Variants in ASXL3 observed in about 807,000 individuals in gnomAD.
ASXL3 encodes the protein ASXL transcriptional regulator 3.
In ASXL3, 34 loss-of-function variants were observed where a neutral mutation model predicts 170.6. The ratio of observed to expected loss-of-function variants is 0.20; its 90% confidence interval spans 0.15 to 0.27. ASXL3 has a LOEUF of 0.27. ASXL3 is among the 10% of genes least tolerant of loss of function. The probability of loss-of-function intolerance (pLI) is 1.00; values close to 1 mark genes in which losing one functional copy is unlikely to be tolerated. For missense variants in ASXL3, 2,592 were observed against 2,695.3 expected, an observed-to-expected ratio of 0.96 and a Z score of 0.85; for synonymous variants, 1,002 against 989.1, an observed-to-expected ratio of 1.01 and a Z score of -0.24.
At chr18:33,602,854 G>T (rs2065199094) in intron 1 of ASXL3, among the ~76,000 whole-genome samples, 1 of 150,550 alleles carries the variant, frequency 6.6e-6, no homozygotes, top group African/African-American at 2.4e-5. Flanking sequence ...AAAATATGTT[G>T]TATAAAAGTC....
chr18:33,649,805 T>C (rs1236579401), intron 4 of ASXL3, among the ~76,000 whole-genome samples: 1 of 152,118 alleles, frequency 6.6e-6, no homozygotes, highest in African/African-American at 2.4e-5. Context: ...TCTGGTGTTC[T>C]GAAGGAAATG....
At position 33,743,229 on chromosome 18, in the gene ASXL3, C is replaced by A; in HGVS notation, c.3381C>A (p.Thr1127=). The A allele has an allele frequency of 6.2e-7, 1 of 1,613,910 alleles. No homozygotes were observed. Among genetic ancestry groups the A allele is most frequent in the Non-Finnish European group, 8.5e-7 (1 of 1,179,840 alleles). The part of the protein sequence containing the change: ...RAHLFQTSKE[T]RLPPPLSSKE... ...ATCTCTTCCAGACCTCTAAAGAGAC[C>A]CGGTTGCCTCCTCCGCTCAGCTCAA... Residue 1127 remains threonine (T), a synonymous_variant, in exon 12 of 12, where the codon ACC becomes ACA. Transcript: ENST00000269197.
chr18:33,623,666 A>G (rs2065553418), intron 2 of ASXL3, among the ~76,000 whole-genome samples: 2 of 152,180 alleles, frequency 1.3e-5, no homozygotes, highest in South Asian at 4.1e-4. Flanking sequence ...TTACAGCAGT[A>G]TTTTGGCATA....
chr18:33,597,277 T>TATATAC (rs893792243), intron 1 of ASXL3, among the ~76,000 whole-genome samples: 1 of 152,114 alleles, frequency 6.6e-6, no homozygotes, highest in African/African-American at 2.4e-5. Context: ...TGTACATGTA[T>TATATAC]ATGTACACCA....
chr18:33,635,143 T>G lies in ASXL3; in HGVS notation c.138-9751T>G, dbSNP rs374711770. On this transcript the variant is annotated intron_variant, in intron 2 of 11. Transcript: ENST00000269197. Reference sequence around the variant, plus strand: ...TTTAGAAAGCTAATAGTCAAACTATTACTAATTGCCCTTAAAACCTTAACC... The same window carrying G: ...TTTAGAAAGCTAATAGTCAAACTATGACTAATTGCCCTTAAAACCTTAACC... 3.2e-4 allele frequency among the ~76,000 whole-genome samples: 48 copies of G among 152,268 alleles called. 1 individual carries two copies. In the South Asian group the frequency reaches 9.1e-3, roughly 29 times the overall value.
Position 33,661,747 on chromosome 18 carries a change from C to T in ASXL3, c.477+10C>T, listed in dbSNP as rs376325824. 91 of 1,609,980 alleles carry T rather than the reference C, an allele frequency of 5.7e-5. No individual in the cohort carries two copies. Among genetic ancestry groups the T allele is most frequent in the Admixed American group, 2.2e-4 (13 of 59,212 alleles). On this transcript the variant is annotated intron_variant, in intron 5 of 11. Transcript: ENST00000269197. ...AAAGGCTCTTAAACAGGTAAGATAG[C>T]TGCCATTTATTCTTTGTCCTTCAGT... is the stretch of plus-strand genomic sequence containing the variant.
chr18:33,717,481 C>T (rs975546471), intron 8 of ASXL3, among the ~76,000 whole-genome samples: 4 of 152,116 alleles, frequency 2.6e-5, no homozygotes, highest in Non-Finnish European at 5.9e-5. Context: ...AACAGCATTG[C>T]AAGTATGCTT....
chr18:33,578,628 A>G lies in ASXL3; in HGVS notation c.-4A>G, dbSNP rs370374928. ...ATCATCAGAACCATCAATGAGATGC[A>G]AACATGAAAGACAAGAGGAAGAAGA... On this transcript the variant is annotated 5_prime_UTR_variant, in exon 1 of 12. Transcript: ENST00000269197. The G allele has an allele frequency of 4.5e-6, 6 of 1,346,888 alleles. No individual in the cohort carries two copies. In the African/African-American group the frequency reaches 9.2e-5, roughly 21 times the overall value. 83.4% of individuals were successfully genotyped at this position (1,346,888 alleles called of 1,614,324 possible). A position where few individuals can be genotyped will look rare whatever the true frequency, so the allele number is the denominator to read the frequency against.
chr18:33,738,718 G>A lies in ASXL3; in HGVS notation c.1314G>A (p.Glu438=). ...IPPKDIMAEL[E]SEDILIPEES... is the part of the protein sequence containing the mutation. The stretch of plus-strand genomic sequence containing the variant: ...CTAAAGATATAATGGCAGAATTGGA[G>A]TCAGAGGATATCTTGATCCCTGAAG... The change falls in exon 11 of 12, where the codon GAG becomes GAA. Residue 438 remains glutamate (E), a synonymous_variant. Transcript: ENST00000269197. The A allele has an allele frequency of 1.2e-6, 2 of 1,614,000 alleles. No homozygotes were observed. Among genetic ancestry groups the A allele is most frequent in the Non-Finnish European group, 1.7e-6 (2 of 1,179,872 alleles).
intron 1 of ASXL3, among the ~76,000 whole-genome samples, chr18:33,598,783 G>C (rs550486781): frequency 2.6e-5 from 4 of 152,198 alleles, no homozygotes; most frequent in Admixed American, 1.3e-4. Flanking sequence ...GTATGACCAG[G>C]AGGTATTGTG....
intron 2 of ASXL3, among the ~76,000 whole-genome samples, chr18:33,633,606 G>T (rs2065716102): frequency 6.6e-6 from 1 of 152,110 alleles, no homozygotes; most frequent in Non-Finnish European, 1.5e-5. Context: ...CATTTTGGGA[G>T]GCCAAGGGGG....
intron 5 of ASXL3, among the ~76,000 whole-genome samples, chr18:33,662,554 GAAGAA>G (rs2066190739): frequency 6.6e-6 from 1 of 152,150 alleles, no homozygotes; most frequent in Admixed American, 6.5e-5. Context: ...ATTGTGCAGA[GAAGAA>G]AAGGAGGAGA....
chr18:33,585,760 A>G (rs1327378077), intron 1 of ASXL3, among the ~76,000 whole-genome samples: 2 of 152,246 alleles, frequency 1.3e-5, no homozygotes, highest in Admixed American at 1.3e-4. Context: ...GGAATTCTCC[A>G]AGGCGGTGCA....
At chr18:33,651,006 G>A (rs1408594801) in intron 4 of ASXL3, among the ~76,000 whole-genome samples, 1 of 152,034 alleles carries the variant, frequency 6.6e-6, no homozygotes, top group African/African-American at 2.4e-5. Context: ...TAGCTTAAAT[G>A]TCCCATCCAA....
chr18:33,578,626 G>C lies in ASXL3; in HGVS notation c.-6G>C. Reference sequence around the variant, plus strand: ...TCATCATCAGAACCATCAATGAGATGCAAACATGAAAGACAAGAGGAAGAA... The same window carrying C: ...TCATCATCAGAACCATCAATGAGATCCAAACATGAAAGACAAGAGGAAGAA... On this transcript the variant is annotated 5_prime_UTR_variant, in exon 1 of 12. It removes an upstream start codon present in the reference 5' UTR. Coordinates refer to ENST00000269197, the MANE Select transcript of ASXL3 (RefSeq NM_030632.3). 1 of 1,345,856 alleles carries C rather than the reference G, an allele frequency of 7.4e-7. No homozygotes were observed. The highest frequency in any genetic ancestry group is 9.8e-7 in the Non-Finnish European group (1 of 1,022,028). 83.4% of individuals were successfully genotyped at this position (1,345,856 alleles called of 1,614,324 possible).
intron 1 of ASXL3, among the ~76,000 whole-genome samples, chr18:33,580,002 A>G (rs1461828535): frequency 2.6e-5 from 4 of 152,228 alleles, no homozygotes; most frequent in African/African-American, 7.2e-5. Context: ...ATTCTAGCAA[A>G]GGGTTTTAGA....
chr18:33,666,783 T>C (rs2066262691), intron 5 of ASXL3, among the ~76,000 whole-genome samples: 1 of 151,228 alleles, frequency 6.6e-6, no homozygotes, highest in Admixed American at 6.6e-5. Context: ...CCAACAGATG[T>C]AAAAAAAAAT....
chr18:33,600,786 G>T (rs9951997), intron 1 of ASXL3, among the ~76,000 whole-genome samples: 24,075 of 152,054 alleles, frequency 0.16, 3,109 homozygotes, highest in African/African-American at 0.36. Context: ...CAAAAACCAT[G>T]TCTTTCAGCT....
chr18:33,632,215 A>G (rs2065688803), intron 2 of ASXL3, among the ~76,000 whole-genome samples: 1 of 152,080 alleles, frequency 6.6e-6, no homozygotes, highest in Non-Finnish European at 1.5e-5. Context: ...ATGCTAGGGT[A>G]TATATCATAT....
Sources: gnomAD v4.1 joint callset for allele counts (sites outside exome capture counted in the v4.1 genomes callset) on GRCh38, gnomAD v4.1.1 for gene constraint, MANE v1.5 for transcripts, NCBI Gene and HGNC (gene_info 2026-07-23, HGNC 2026-07-21) for gene names.